The following ZNF516 variants were observed in gnomAD, a reference collection of about 807,000 sequenced individuals.
ZNF516 encodes the protein zinc finger protein 516.
ZNF516 carries 19 observed loss-of-function variants against 79.7 expected under a neutral mutation model. The ratio of observed to expected loss-of-function variants is 0.24; its 90% CI spans 0.17 to 0.35. The LOEUF (loss-of-function observed/expected upper bound fraction) is 0.35, where lower values mean the gene tolerates loss of function less well. ZNF516 is among the 10% of genes least tolerant of loss of function. The probability of loss-of-function intolerance (pLI) is 1.00; values close to 1 mark genes in which losing one functional copy is unlikely to be tolerated. For synonymous variants in ZNF516, 877 were observed against 739.5 expected (o/e 1.19, Z -3.02); for missense variants, 1,678 against 1,679.5 (o/e 1.00, Z 0.02).
intron 1 of ZNF516, among the ~76,000 whole-genome samples, chr18:76,480,194 A>T (rs1914426339): frequency 6.6e-6 from 1 of 151,504 alleles, no homozygotes; most frequent in Non-Finnish European, 1.5e-5. Context: ...AACAAAAAAA[A>T]ACTTAGTAGT....
In ZNF516 at chr18:76,380,102, A is replaced by G; in HGVS notation, c.2012T>C (p.Met671Thr). The change falls in exon 4 of 7, where the codon ATG becomes ACG. Residue 671 changes from methionine to threonine, a missense_variant. By Grantham distance (81) the Met-to-Thr change is moderately conservative. Around this residue, in one of 5 missense-constraint regions of ZNF516, gnomAD observed 1,294 missense variants for 1,248.3 expected, o/e 1.04. Coordinates refer to ENST00000443185, the MANE Select transcript of ZNF516 (RefSeq NM_014643.4). ...SRRQEQHRFS[M>T]DLKMPAFHPK... ...GTGAAATGCTGGCATCTTTAAGTCC[A>G]TAGAAAATCTGTGCTGCTCTTGCCT... is the stretch of plus-strand genomic sequence containing the variant. 1.2e-6 allele frequency: 2 copies of G among 1,613,940 alleles called. No homozygotes were observed. The highest frequency in any genetic ancestry group is 1.7e-6 in the Non-Finnish European group (2 of 1,179,872).
intron 3 of ZNF516, among the ~76,000 whole-genome samples, chr18:76,426,661 G>A (rs1022733329): frequency 3.9e-5 from 6 of 151,998 alleles, no homozygotes; most frequent in African/African-American, 7.2e-5. Flanking sequence ...AAAGAAAGCC[G>A]CAAGAGTCCA....
intron 2 of ZNF516, among the ~76,000 whole-genome samples, chr18:76,454,059 A>G (rs76453032): frequency 0.018 from 2,754 of 152,316 alleles, 48 homozygotes; most frequent in Middle Eastern, 0.034. Flanking sequence ...AGACCCTAGA[A>G]GTCCCCACCA....
chr18:76,407,051 T>G (rs996148019), intron 3 of ZNF516, among the ~76,000 whole-genome samples: 5 of 152,074 alleles, frequency 3.3e-5, no homozygotes, highest in African/African-American at 1.2e-4. Flanking sequence ...ACAGGCTGGG[T>G]GGACAGGTTA....
At chr18:76,424,686 G>T (rs1486545982) in intron 3 of ZNF516, among the ~76,000 whole-genome samples, 4 of 132,414 alleles carry the variant, frequency 3.0e-5, no homozygotes, top group African/African-American at 1.2e-4. Flanking sequence ...CAGGTGAAAA[G>T]GCTCCCCCGA....
At chr18:76,381,895 G>A (rs936863659) in intron 3 of ZNF516, among the ~76,000 whole-genome samples, 1 of 152,230 alleles carries the variant, frequency 6.6e-6, no homozygotes, top group Non-Finnish European at 1.5e-5. Flanking sequence ...ACTATGGGGG[G>A]CCGAGGCGGG....
chr18:76,373,742 C>T lies in ZNF516; in HGVS notation c.3260-2171G>A, dbSNP rs574964017. The stretch of plus-strand genomic sequence containing the variant: ...GCACACACACACACGCAGGCGTACA[C>T]GCTCACAAGTGCACACACACATATG... On this transcript the variant is annotated intron_variant, in intron 4 of 6. Transcript: ENST00000443185. Among the ~76,000 whole-genome samples, 20 of 152,374 alleles carry T rather than the reference C, an allele frequency of 1.3e-4. No homozygotes were observed. In the East Asian group the frequency reaches 2.7e-3, roughly 21 times the overall value.
chr18:76,395,843 G>A (rs1044524504), intron 3 of ZNF516, among the ~76,000 whole-genome samples: 2 of 152,176 alleles, frequency 1.3e-5, no homozygotes, highest in African/African-American at 4.8e-5. Flanking sequence ...TGGGCCAGCC[G>A]CCCTGCAGGA....
intron 3 of ZNF516, among the ~76,000 whole-genome samples, chr18:76,416,405 C>T (rs969461310): frequency 3.3e-5 from 5 of 152,224 alleles, no homozygotes; most frequent in African/African-American, 1.2e-4. Context: ...CCATGCTTTA[C>T]ACCATGTCAA....
chr18:76,370,950 G>A (rs1267959285), intron 5 of ZNF516, among the ~76,000 whole-genome samples: 7 of 152,086 alleles, frequency 4.6e-5, no homozygotes, highest in Admixed American at 2.6e-4. Flanking sequence ...AGAGAACCCC[G>A]TCTCCCTGTC....
intron 1 of ZNF516, among the ~76,000 whole-genome samples, chr18:76,464,769 C>T (rs1454485145): frequency 1.3e-5 from 2 of 151,782 alleles, no homozygotes; most frequent in African/African-American, 4.8e-5. Flanking sequence ...CTCTCTGGCA[C>T]CCCAGCCTGG....
intron 3 of ZNF516, chr18:76,387,152 C>T (rs1033036610): frequency 1.8e-4 from 27 of 152,380 alleles, no homozygotes; most frequent in African/African-American, 6.5e-4. Context: ...CCTGCAGCCC[C>T]TCTCATTTCA....
rs938278802 is a variant in ZNF516, at chr18:76,451,642, C to T, written c.-157-8431G>A. The stretch of plus-strand genomic sequence containing the variant: ...TACGGGGTCGGCGCAGAAGCCCGTG[C>T]GTGTGCTGAGTGGGTGCAAGGCCCA... On this transcript the variant is annotated intron_variant, in intron 2 of 6. Transcript: ENST00000443185. This position sits in a 1 kb window ranked among gnomAD's most constrained non-coding sequence, Gnocchi z 6.0. Among the ~76,000 whole-genome samples the T allele has an allele frequency of 6.6e-6, 1 of 152,158 alleles. No homozygotes were observed. Among genetic ancestry groups the T allele is most frequent in the Non-Finnish European group, 1.5e-5 (1 of 68,028 alleles).
At chr18:76,487,207 C>T (rs1289912460) in intron 1 of ZNF516, among the ~76,000 whole-genome samples, 3 of 152,128 alleles carry the variant, frequency 2.0e-5, no homozygotes, top group Admixed American at 1.3e-4. Flanking sequence ...CATCGGAAAA[C>T]ATCTCAGGCT....
In ZNF516 at chr18:76,362,282, T is replaced by C. The variant is rs3752098; in HGVS notation, c.*216A>G. 9,394 of 534,738 alleles carry C rather than the reference T, an allele frequency of 0.018. 90 individuals are homozygous for C. Among genetic ancestry groups the C allele is most frequent in the East Asian group, 0.029 (1,013 of 35,174 alleles). 33.1% of individuals were successfully genotyped at this position (534,738 alleles called of 1,614,324 possible). A position where few individuals can be genotyped will look rare whatever the true frequency, so the allele number is the denominator to read the frequency against. ...AGTATCTACATGTATTTCTAGAATA[T>C]AGCATCTTCATTTATTTCTGAACGT... On this transcript the variant is annotated 3_prime_UTR_variant, in exon 7 of 7. Coordinates refer to ENST00000443185, the MANE Select transcript of ZNF516 (RefSeq NM_014643.4).
Position 76,379,005 on chromosome 18 carries a change from G to A in ZNF516, c.3109C>T (p.Pro1037Ser). 1 of 1,612,348 alleles carries A rather than the reference G, an allele frequency of 6.2e-7. No homozygotes were observed. The highest frequency in any genetic ancestry group is 8.5e-7 in the Non-Finnish European group (1 of 1,179,576). The change falls in exon 4 of 7, where the codon CCC becomes TCC. Residue 1037 changes from proline (P) to serine (S), a missense_variant. Physicochemically the swap from Pro to Ser is moderately conservative, Grantham distance 74. Transcript: ENST00000443185. ...TCCTGTTTGATGGAGTGTAGGACGG[G>A]GGGCGCCCCAGCCACGCCGGGCTGG... ...QAQPGVAGAP[P>S]VLHSIKQEPV...
intron 3 of ZNF516, among the ~76,000 whole-genome samples, chr18:76,383,322 C>G (rs757025283): frequency 6.6e-6 from 1 of 152,016 alleles, no homozygotes; most frequent in Non-Finnish European, 1.5e-5. Context: ...GCGCAGGATC[C>G]TCAGCAACAA....
At chr18:76,433,088 A>C (rs1272669074) in intron 3 of ZNF516, among the ~76,000 whole-genome samples, 1 of 152,196 alleles carries the variant, frequency 6.6e-6, no homozygotes, top group Non-Finnish European at 1.5e-5. Flanking sequence ...AAGACTCTGT[A>C]GGCTTCTGAG....
At position 76,379,108 on chromosome 18, in the gene ZNF516, G is replaced by A. The variant is rs754499187; in HGVS notation, c.3006C>T (p.Pro1002=). Residue 1002 remains proline, a synonymous_variant, in exon 4 of 7, where the codon CCC becomes CCT. Coordinates refer to ENST00000443185, the MANE Select transcript of ZNF516 (RefSeq NM_014643.4). The stretch of plus-strand genomic sequence containing the variant: ...TCAGCTCCTGGGCTGCCTTCGAGGG[G>A]GGCTCGCGGGGAGGTAGAGGAGGAG... The part of the protein sequence containing the change: ...GGAPPLPPRE[P]PSKAAQELRT... 20 of 1,611,758 alleles carry A rather than the reference G, an allele frequency of 1.2e-5. No individual in the cohort carries two copies. The highest frequency in any genetic ancestry group is 1.7e-5 in the Non-Finnish European group (20 of 1,179,666).
Sources: gnomAD v4.1 joint callset for allele counts (sites outside exome capture counted in the v4.1 genomes callset) on GRCh38, gnomAD v4.1.1 for gene constraint, gnomAD v4.1.1 regional missense constraint, Gnocchi (gnomAD v3.1) non-coding constraint, MANE v1.5 for transcripts, NCBI Gene and HGNC (gene_info 2026-07-23, HGNC 2026-07-21) for gene names.